The following CNTNAP2 variants were observed in gnomAD, a reference collection of about 807,000 sequenced individuals.
CNTNAP2 encodes the protein contactin-associated protein-like 2.
Under a neutral mutation model 155.2 loss-of-function variants are expected in CNTNAP2, and 98 were observed. The observed-to-expected ratio is 0.63, with a 90% CI of 0.54 to 0.75. The LOEUF (loss-of-function observed/expected upper bound fraction) is 0.75. Among genes scored for constraint, CNTNAP2 ranks in the 30% least tolerant of loss-of-function variants. The probability of loss-of-function intolerance (pLI) is 0.00; values close to 1 mark genes in which losing one functional copy is unlikely to be tolerated. For missense variants in CNTNAP2, 1,727 were observed against 1,688.1 expected, an observed-to-expected ratio of 1.02 and a Z score of -0.40; for synonymous variants, 651 against 631.2, an observed-to-expected ratio of 1.03 and a Z score of -0.47.
intron 21 of CNTNAP2, among the ~76,000 whole-genome samples, chr7:148,313,887 T>G (rs548994998): frequency 6.6e-6 from 1 of 152,224 alleles, no homozygotes; most frequent in African/African-American, 2.4e-5. Flanking sequence ...GTTTTTATAT[T>G]TGATGAAAAA....
At chr7:148,337,431 G>A (rs942168767) in intron 21 of CNTNAP2, among the ~76,000 whole-genome samples, 9 of 152,166 alleles carry the variant, frequency 5.9e-5, no homozygotes, top group East Asian at 1.9e-4. Context: ...CTCCTTCACC[G>A]TCAGATTCCC....
chr7:147,662,943 T>A (rs1399876731), intron 13 of CNTNAP2, among the ~76,000 whole-genome samples: 3 of 152,220 alleles, frequency 2.0e-5, no homozygotes, highest in Non-Finnish European at 4.4e-5. Context: ...AGAAAGTTAC[T>A]TAGTTTTAGA....
At chr7:147,696,149 T>C (rs74936503) in intron 13 of CNTNAP2, among the ~76,000 whole-genome samples, 1 of 152,202 alleles carries the variant, frequency 6.6e-6, no homozygotes, top group Non-Finnish European at 1.5e-5. Flanking sequence ...TGTCTTTTAA[T>C]TGGGGAATTT....
At chr7:147,146,826 C>T (rs950912889) in intron 8 of CNTNAP2, 3 of 152,106 alleles carry the variant, frequency 2.0e-5, no homozygotes, top group African/African-American at 7.2e-5. Flanking sequence ...AGAGTTTTTG[C>T]TTAAAGTGCT....
At chr7:147,457,907 G>C (rs1797949781) in intron 10 of CNTNAP2, among the ~76,000 whole-genome samples, 1 of 152,100 alleles carries the variant, frequency 6.6e-6, no homozygotes, top group South Asian at 2.1e-4. Context: ...GGGAGGCAGT[G>C]ATTAGTTTTG....
chr7:147,091,047 A>C (rs1213772255), intron 4 of CNTNAP2, among the ~76,000 whole-genome samples: 1 of 152,096 alleles, frequency 6.6e-6, no homozygotes, highest in Admixed American at 6.5e-5. Flanking sequence ...AGTTGAAGGG[A>C]GAAAATTAAA....
chr7:147,947,703 G>A (rs1233247355), intron 14 of CNTNAP2, among the ~76,000 whole-genome samples: 2 of 152,002 alleles, frequency 1.3e-5, no homozygotes, highest in Admixed American at 6.6e-5. Flanking sequence ...ATCAGAGTGG[G>A]GCTTGGGAGG....
intron 1 of CNTNAP2, among the ~76,000 whole-genome samples, chr7:146,303,561 C>T (rs1295377541): frequency 2.0e-5 from 3 of 152,070 alleles, no homozygotes; most frequent in African/African-American, 7.2e-5. Context: ...TTTTCAGTTT[C>T]CATGTAGTTG....
intron 14 of CNTNAP2, among the ~76,000 whole-genome samples, chr7:147,914,357 A>G (rs1800121240): frequency 6.6e-6 from 1 of 152,102 alleles, no homozygotes; most frequent in Non-Finnish European, 1.5e-5. Flanking sequence ...CCTGGCCAAC[A>G]TGGTGAAACC....
At chr7:147,543,275 A>C (rs553653547) in intron 11 of CNTNAP2, among the ~76,000 whole-genome samples, 1 of 152,206 alleles carries the variant, frequency 6.6e-6, no homozygotes, top group East Asian at 1.9e-4. Flanking sequence ...AGCTCATGCT[A>C]TTGTTTGTGA....
chr7:147,991,990 A>C (rs549021496), intron 15 of CNTNAP2, among the ~76,000 whole-genome samples: 18 of 151,824 alleles, frequency 1.2e-4, no homozygotes, highest in African/African-American at 4.4e-4. Context: ...CTTCTTCTTG[A>C]AGTTTGCTGA....
chr7:146,265,589 G>C, intron 1 of CNTNAP2, among the ~76,000 whole-genome samples: 1 of 151,726 alleles, frequency 6.6e-6, no homozygotes, highest in African/African-American at 2.4e-5. Context: ...CTCCTGAGTA[G>C]CTGGGATTAC....
At chr7:147,544,255 G>T (rs1384736669) in intron 11 of CNTNAP2, among the ~76,000 whole-genome samples, 1 of 152,046 alleles carries the variant, frequency 6.6e-6, no homozygotes, top group African/African-American at 2.4e-5. Flanking sequence ...ACTGCTCTTA[G>T]AAATATAAAT....
intron 21 of CNTNAP2, among the ~76,000 whole-genome samples, chr7:148,291,010 G>A (rs950094081): frequency 6.6e-6 from 1 of 152,122 alleles, no homozygotes; most frequent in South Asian, 2.1e-4. Flanking sequence ...ACCATTTTAA[G>A]CTTCTTTTCA....
At chr7:146,649,224 T>G (rs1799865358) in intron 1 of CNTNAP2, among the ~76,000 whole-genome samples, 1 of 152,150 alleles carries the variant, frequency 6.6e-6, no homozygotes, top group Non-Finnish European at 1.5e-5. Context: ...GATATTGTGC[T>G]GCTGATCTGT....
In CNTNAP2 at chr7:147,167,478, C is replaced by A; in HGVS notation, c.1348+34969C>A. ...GTTTGTTGCCATGCCTGCCCCTGCC[C>A]CACTGGAGGTTGCCATGGACCCAGC... is the stretch of plus-strand genomic sequence containing the variant. On this transcript the variant is annotated intron_variant, in intron 8 of 23. Coordinates refer to ENST00000361727, the MANE Select transcript of CNTNAP2 (RefSeq NM_014141.6). 3 of 1,008,618 alleles carry A rather than the reference C, an allele frequency of 3.0e-6. No homozygotes were observed. In the Admixed American group the frequency reaches 6.0e-5, roughly 20 times the overall value. 62.5% of individuals were successfully genotyped at this position (1,008,618 alleles called of 1,614,324 possible). A position where few individuals can be genotyped will look rare whatever the true frequency, so the allele number is the denominator to read the frequency against.
chr7:146,943,062 C>T (rs1490764373), intron 3 of CNTNAP2, among the ~76,000 whole-genome samples: 1 of 152,130 alleles, frequency 6.6e-6, no homozygotes, highest in African/African-American at 2.4e-5. Flanking sequence ...GCACAGACCC[C>T]CCTGTCATGC....
At position 146,926,730 on chromosome 7, in the gene CNTNAP2, C is replaced by A. The variant is rs573921742; in HGVS notation, c.402+86826C>A. ...GATATAAAGTCTATGAATTAAATTT[C>A]ACCTAAATATAAATATTACAAAGTT... On this transcript the variant is annotated intron_variant, in intron 3 of 23. Transcript: ENST00000361727. 2.0e-5 allele frequency among the ~76,000 whole-genome samples: 3 copies of A among 152,200 alleles called. No homozygotes were observed. The East Asian group carries it at 5.8e-4, about 29-fold the overall frequency.
intron 18 of CNTNAP2, among the ~76,000 whole-genome samples, chr7:148,207,370 C>A (rs1795468869): frequency 6.6e-6 from 1 of 152,146 alleles, no homozygotes; most frequent in Non-Finnish European, 1.5e-5. Flanking sequence ...AGGAGAATGG[C>A]CGCTGAGGCC....
Sources: allele counts gnomAD v4.1 joint callset (sites outside exome capture counted in the v4.1 genomes callset), GRCh38; gene constraint gnomAD v4.1.1; transcripts MANE v1.5; gene names NCBI Gene and HGNC (gene_info 2026-07-23, HGNC 2026-07-21).